Variants in LRRTM4 observed in about 807,000 individuals in gnomAD.
LRRTM4 encodes leucine rich repeat transmembrane neuronal 4.
LRRTM4 carries 25 observed loss-of-function variants against 47.6 expected under a neutral mutation model. That is an observed-to-expected ratio of 0.53 (90% CI 0.38 to 0.73). The LOEUF is 0.73. Ranked by LOEUF, LRRTM4 falls within the 30% of genes least tolerant of loss-of-function variation. LRRTM4 has a pLI of 0.00. For synonymous variants in LRRTM4, 311 were observed against 269.5 expected (o/e 1.15, Z -1.51); for missense variants, 638 against 713.4 (o/e 0.89, Z 1.20).
At chr2:77,204,285 G>T (rs1261516427) in intron 3 of LRRTM4, among the ~76,000 whole-genome samples, 1 of 151,996 alleles carries the variant, frequency 6.6e-6, no homozygotes, top group Non-Finnish European at 1.5e-5. Flanking sequence ...TTACTGCTAA[G>T]GTTGTTATGA....
intron 3 of LRRTM4, among the ~76,000 whole-genome samples, chr2:77,380,780 A>G (rs575404700): frequency 6.6e-6 from 1 of 151,724 alleles, no homozygotes; most frequent in South Asian, 2.1e-4. Flanking sequence ...TGGGTGACAG[A>G]GTGAGACTCC....
chr2:77,009,975 TAA>T (rs60699157), intron 3 of LRRTM4, among the ~76,000 whole-genome samples: 1 of 145,686 alleles, frequency 6.9e-6, no homozygotes, highest in African/African-American at 2.5e-5. Flanking sequence ...ACCCTTTTTT[TAA>T]AAAAAAAAAA....
intron 3 of LRRTM4, among the ~76,000 whole-genome samples, chr2:76,756,651 T>C (rs941447594): frequency 2.0e-5 from 3 of 152,114 alleles, no homozygotes; most frequent in South Asian, 2.1e-4. Context: ...CCCAATGTCA[T>C]AGTCAACTGG....
chr2:77,205,568 C>T (rs1050011792), intron 3 of LRRTM4, among the ~76,000 whole-genome samples: 3 of 151,974 alleles, frequency 2.0e-5, no homozygotes, highest in Admixed American at 6.6e-5. Flanking sequence ...AGGAGAGCTA[C>T]GGAGGCCAGA....
At chr2:77,012,863 T>C (rs1677924971) in intron 3 of LRRTM4, among the ~76,000 whole-genome samples, 1 of 152,196 alleles carries the variant, frequency 6.6e-6, no homozygotes, top group Admixed American at 6.5e-5. Context: ...ATAATACCAA[T>C]TTGTAATTAC....
chr2:77,520,405 A>G (rs1679437945), intron 2 of LRRTM4, among the ~76,000 whole-genome samples: 1 of 152,032 alleles, frequency 6.6e-6, no homozygotes, highest in Admixed American at 6.6e-5. Context: ...TAGGATCGCA[A>G]TATGTGAGCT....
At chr2:77,358,969 C>G (rs1672075188) in intron 3 of LRRTM4, among the ~76,000 whole-genome samples, 1 of 152,120 alleles carries the variant, frequency 6.6e-6, no homozygotes, top group African/African-American at 2.4e-5. Context: ...ACAACTTTTT[C>G]TTATTGAATG....
chr2:77,192,777 T>C (rs1673706915), intron 3 of LRRTM4, among the ~76,000 whole-genome samples: 1 of 152,220 alleles, frequency 6.6e-6, no homozygotes, highest in African/African-American at 2.4e-5. Context: ...AAATTTACTG[T>C]GTGCTTCATA....
At chr2:76,782,908 T>G (rs112962439) in intron 3 of LRRTM4, among the ~76,000 whole-genome samples, 7 of 152,316 alleles carry the variant, frequency 4.6e-5, no homozygotes, top group African/African-American at 1.7e-4. Flanking sequence ...TAGAGTGTTC[T>G]TTAGAATTAA....
Position 77,366,889 on chromosome 2 carries a change from G to C in LRRTM4, c.1551+151429C>G, listed in dbSNP as rs186174745. Among the ~76,000 whole-genome samples the C allele has an allele frequency of 3.2e-3, 479 of 151,826 alleles. 2 individuals carry two copies. Among genetic ancestry groups the C allele is most frequent in the Non-Finnish European group, 3.7e-3 (252 of 67,804 alleles). ...GTGTTGGTCGTTTAGCCCCCCATCT[G>C]TCTGTCCAAACTCCAAAGTCACTTT... On this transcript the variant is annotated intron_variant, in intron 3 of 3. Transcript: ENST00000409884.
At chr2:76,899,536 A>G (rs1355990966) in intron 3 of LRRTM4, among the ~76,000 whole-genome samples, 1 of 152,148 alleles carries the variant, frequency 6.6e-6, no homozygotes, top group Non-Finnish European at 1.5e-5. Flanking sequence ...GGGAGAAGAT[A>G]TCCTACATGA....
At chr2:77,438,858 T>A (rs1675717099) in intron 3 of LRRTM4, among the ~76,000 whole-genome samples, 1 of 152,164 alleles carries the variant, frequency 6.6e-6, no homozygotes. Flanking sequence ...TTTTGCCAGA[T>A]AATACCCACT....
At chr2:77,104,290 ACCT>A in intron 3 of LRRTM4, among the ~76,000 whole-genome samples, 1 of 152,068 alleles carries the variant, frequency 6.6e-6, no homozygotes, top group East Asian at 1.9e-4. Context: ...TGATGTGAAC[ACCT>A]CCTTCCAGGC....
At chr2:77,123,801 G>A (rs960207040) in intron 3 of LRRTM4, among the ~76,000 whole-genome samples, 1 of 152,030 alleles carries the variant, frequency 6.6e-6, no homozygotes, top group Non-Finnish European at 1.5e-5. Flanking sequence ...AAACTCAAAA[G>A]GCATAACTAC....
intron 3 of LRRTM4, among the ~76,000 whole-genome samples, chr2:77,065,462 T>C (rs566073658): frequency 6.6e-6 from 1 of 152,328 alleles, no homozygotes; most frequent in South Asian, 2.1e-4. Flanking sequence ...ATCCTCAGCA[T>C]CTCAACATTG....
intron 3 of LRRTM4, among the ~76,000 whole-genome samples, chr2:77,387,821 GT>G (rs1463654296): frequency 6.6e-6 from 1 of 152,046 alleles, no homozygotes; most frequent in Non-Finnish European, 1.5e-5. Context: ...ACAGCTAATA[GT>G]TAATGAGGTT....
intron 3 of LRRTM4, among the ~76,000 whole-genome samples, chr2:77,368,912 C>T (rs538674586): frequency 6.6e-6 from 1 of 151,684 alleles, no homozygotes; most frequent in Admixed American, 6.6e-5. Context: ...TCTTTAGGAA[C>T]CTCCATACTA....
chr2:76,781,495 C>T (rs978032242), intron 3 of LRRTM4, among the ~76,000 whole-genome samples: 5 of 152,220 alleles, frequency 3.3e-5, no homozygotes, highest in Non-Finnish European at 5.9e-5. Context: ...GCGCAGTATT[C>T]GGGTGGGAGT....
At chr2:76,874,938 G>A (rs1253055731) in intron 3 of LRRTM4, among the ~76,000 whole-genome samples, 8 of 151,982 alleles carry the variant, frequency 5.3e-5, no homozygotes, top group African/African-American at 9.7e-5. Flanking sequence ...ATTTGTTATA[G>A]TAATTTAAAT....
Sources: allele counts gnomAD v4.1 joint callset (sites outside exome capture counted in the v4.1 genomes callset), GRCh38; gene constraint gnomAD v4.1.1; transcripts MANE v1.5; gene names NCBI Gene and HGNC (gene_info 2026-07-23, HGNC 2026-07-21).